Variants in STAT4 observed in about 807,000 individuals in gnomAD.
STAT4 encodes the protein signal transducer and activator of transcription 4.
Under a neutral mutation model 110.5 loss-of-function variants are expected in STAT4, and 42 were observed. The ratio of observed to expected loss-of-function variants is 0.38; its 90% CI spans 0.30 to 0.49. STAT4 has a LOEUF of 0.49. Ranked by LOEUF, STAT4 falls within the 20% of genes least tolerant of loss-of-function variation. STAT4 has a pLI of 0.95. For synonymous variants in STAT4, 284 were observed against 302.2 expected (o/e 0.94, Z 0.63); for missense variants, 632 against 887.9 (o/e 0.71, Z 3.66).
rs1280839977 is a variant in STAT4, at chr2:191,039,090, C to G, written c.1434+109G>C. The G allele has an allele frequency of 1.3e-5, 12 of 921,168 alleles. No individual in the cohort carries two copies. The highest frequency in any genetic ancestry group is 1.9e-5 in the Non-Finnish European group (11 of 565,018). 57.1% of individuals were successfully genotyped at this position (921,168 alleles called of 1,614,324 possible). ...ACTAGAAATACTACAAATAAAGCAA[C>G]TCTCACCCCACACCCCACTGGCACA... On this transcript the variant is annotated intron_variant, in intron 16 of 23. Transcript: ENST00000392320. This position sits in a 1 kb window ranked among gnomAD's most constrained non-coding sequence, Gnocchi z 4.7.
At chr2:191,080,408 A>C (rs1177370456) in intron 3 of STAT4, among the ~76,000 whole-genome samples, 1 of 152,148 alleles carries the variant, frequency 6.6e-6, no homozygotes. Context: ...ATTGGCACTC[A>C]TATTTTTCCA....
chr2:191,052,170 C>T (rs1175052159), intron 14 of STAT4, among the ~76,000 whole-genome samples: 1 of 152,204 alleles, frequency 6.6e-6, no homozygotes, highest in Non-Finnish European at 1.5e-5. Flanking sequence ...TCTTTCCTCA[C>T]TCTTTCCTAA....
At chr2:191,075,487 A>C (rs1697288284) in intron 4 of STAT4, among the ~76,000 whole-genome samples, 1 of 152,224 alleles carries the variant, frequency 6.6e-6, no homozygotes, top group Non-Finnish European at 1.5e-5. Flanking sequence ...ACTGTGAGGT[A>C]GGAAATGGAA....
intron 3 of STAT4, among the ~76,000 whole-genome samples, chr2:191,125,730 C>T (rs909147475): frequency 1.3e-5 from 2 of 151,946 alleles, no homozygotes; most frequent in African/African-American, 4.8e-5. Flanking sequence ...GCAATCCTCC[C>T]ACCTCAGCCT....
intron 14 of STAT4, among the ~76,000 whole-genome samples, chr2:191,045,115 C>T (rs1424657826): frequency 6.6e-6 from 1 of 151,934 alleles, no homozygotes; most frequent in Non-Finnish European, 1.5e-5. Flanking sequence ...TATAGAAAAT[C>T]AGAAGTTAGA....
In STAT4 at chr2:191,135,556, C is replaced by T. The variant is rs1338809630; in HGVS notation, c.273+11057G>A. Among the ~76,000 whole-genome samples the T allele has an allele frequency of 6.6e-6, 1 of 152,184 alleles. No homozygotes were observed. The highest frequency in any genetic ancestry group is 2.4e-5 in the African/African-American group (1 of 41,442). ...TGGCGTGATCTCAGCTCACTGCAACCTCCGCCTCCCAGGCTCAAGTGATTC... is the reference window on the plus strand; with the variant it reads ...TGGCGTGATCTCAGCTCACTGCAACTTCCGCCTCCCAGGCTCAAGTGATTC... On this transcript the variant is annotated intron_variant, in intron 3 of 23. Coordinates refer to ENST00000392320, the MANE Select transcript of STAT4 (RefSeq NM_003151.4). The surrounding 1 kb of genome is among the most constrained non-coding windows in gnomAD (Gnocchi z 4.8).
rs959203838 is a variant in STAT4, at chr2:191,140,281, A to G, written c.273+6332T>C. ...TAACTAAAAAGCTTCTGCACAGCAAAAGAAATAATCAGCCAAGTAAACAGA... is the reference window on the plus strand; with the variant it reads ...TAACTAAAAAGCTTCTGCACAGCAAGAGAAATAATCAGCCAAGTAAACAGA... On this transcript the variant is annotated intron_variant, in intron 3 of 23. Coordinates refer to ENST00000392320, the MANE Select transcript of STAT4 (RefSeq NM_003151.4). This position sits in a 1 kb window ranked among gnomAD's most constrained non-coding sequence, Gnocchi z 4.4. 4.6e-5 allele frequency among the ~76,000 whole-genome samples: 7 copies of G among 152,272 alleles called. No homozygotes were observed. Among genetic ancestry groups the G allele is most frequent in the African/African-American group, 1.7e-4 (7 of 41,480 alleles).
At chr2:191,137,791 G>A (rs1300646785) in intron 3 of STAT4, among the ~76,000 whole-genome samples, 2 of 152,034 alleles carry the variant, frequency 1.3e-5, no homozygotes, top group Admixed American at 6.6e-5. Context: ...TCAATAAATC[G>A]TGGTGGGATA....
At chr2:191,057,921 T>C in intron 13 of STAT4, 97 bp downstream of exon 13, 1 of 1,126,588 alleles carries the variant, frequency 8.9e-7, no homozygotes, top group Non-Finnish European at 1.3e-6. Context: ...AAATAAGAAA[T>C]ATTTAAGCAC....
chr2:191,074,276 A>G (rs1459629426), intron 4 of STAT4, among the ~76,000 whole-genome samples: 2 of 152,202 alleles, frequency 1.3e-5, no homozygotes, highest in Non-Finnish European at 2.9e-5. Flanking sequence ...ATGGTTAGAA[A>G]GGTTGATAAA....
intron 3 of STAT4, among the ~76,000 whole-genome samples, chr2:191,102,755 T>C (rs1698177846): frequency 1.3e-5 from 2 of 152,230 alleles, no homozygotes; most frequent in African/African-American, 4.8e-5. Flanking sequence ...AAGTCGACAG[T>C]GACAGGCTTT....
intron 3 of STAT4, among the ~76,000 whole-genome samples, chr2:191,101,146 A>T (rs1294231164): frequency 6.6e-6 from 1 of 152,170 alleles, no homozygotes; most frequent in Non-Finnish European, 1.5e-5. Context: ...CTGATTGCAG[A>T]AGTAAAAATG....
At chr2:191,122,393 T>C (rs1698763157) in intron 3 of STAT4, among the ~76,000 whole-genome samples, 1 of 151,376 alleles carries the variant, frequency 6.6e-6, no homozygotes, top group Non-Finnish European at 1.5e-5. Context: ...AACTCTCATA[T>C]ACTTCTGTGA....
intron 4 of STAT4, 105 bp downstream of exon 4, chr2:191,076,122 A>T: frequency 2.2e-6 from 2 of 895,582 alleles, no homozygotes; most frequent in Non-Finnish European, 3.5e-6. Context: ...CCAAAGTGTT[A>T]GGATTACAGG....
rs185095552 is a variant in STAT4 at position 191,057,982 on chromosome 2, A to G, written c.1206+36T>C. ...TTAGTAAAGATGTCTGATTTTGGGG[A>G]AAAAAAAGCCTGTTTAACTTTACTG... On this transcript the variant is annotated intron_variant, in intron 13 of 23. Transcript: ENST00000392320. 3.3e-4 allele frequency: 498 copies of G among 1,509,680 alleles called. 2 individuals carry two copies. In the South Asian group the frequency reaches 3.6e-3, roughly 11 times the overall value. 93.5% of individuals were successfully genotyped at this position (1,509,680 alleles called of 1,614,324 possible). A position where few individuals can be genotyped will look rare whatever the true frequency, so the allele number is the denominator to read the frequency against.
chr2:191,124,185 A>G (rs4441504), intron 3 of STAT4, among the ~76,000 whole-genome samples: 152,033 of 152,326 alleles, frequency 1, 75,870 homozygotes, highest in Middle Eastern at 1. Flanking sequence ...GGCCGGGCAC[A>G]GTGGCTCACA....
chr2:191,057,305 G>A (rs914337989), intron 13 of STAT4, among the ~76,000 whole-genome samples: 36 of 152,074 alleles, frequency 2.4e-4, no homozygotes, highest in Non-Finnish European at 1.6e-4. Flanking sequence ...TTAACATAAT[G>A]ACCTCCAATT....
At chr2:191,115,867 T>G (rs1470489314) in intron 3 of STAT4, among the ~76,000 whole-genome samples, 1 of 152,136 alleles carries the variant, frequency 6.6e-6, no homozygotes, top group African/African-American at 2.4e-5. Flanking sequence ...ATTTGGGAGG[T>G]GGAGAAGAGT....
chr2:191,036,408 G>A, intron 16 of STAT4, 109 bp from the exon 17 acceptor site: 1 of 1,160,402 alleles, frequency 8.6e-7, no homozygotes, highest in Non-Finnish European at 1.2e-6. Flanking sequence ...CATACTAGGA[G>A]TGTTGGGTGA....
Sources: gnomAD v4.1 joint callset for allele counts (sites outside exome capture counted in the v4.1 genomes callset) on GRCh38, gnomAD v4.1.1 for gene constraint, Gnocchi (gnomAD v3.1) non-coding constraint, MANE v1.5 for transcripts, NCBI Gene and HGNC (gene_info 2026-07-23, HGNC 2026-07-21) for gene names.